Variants in CHKA observed in about 807,000 individuals in gnomAD.
The protein encoded by CHKA is CHETK-alpha.
Under a neutral mutation model 60.1 loss-of-function variants are expected in CHKA, and 34 were observed. The observed-to-expected ratio is 0.57, with a 90% confidence interval of 0.43 to 0.75. CHKA has a LOEUF of 0.75. Among genes scored for constraint, CHKA ranks in the 30% least tolerant of loss-of-function variants. CHKA has a pLI of 0.00. For missense variants in CHKA, 563 were observed against 561.3 expected (o/e 1.00, Z -0.03); for synonymous variants, 217 against 223.1 (o/e 0.97, Z 0.24).
intron 11 of CHKA, among the ~76,000 whole-genome samples, chr11:68,057,751 T>G (rs772616008): frequency 6.6e-6 from 1 of 152,250 alleles, no homozygotes; most frequent in Non-Finnish European, 1.5e-5. Context: ...TTTCTCCACA[T>G]GACTCTTCAA....
intron 1 of CHKA, among the ~76,000 whole-genome samples, chr11:68,103,786 C>T (rs898587592): frequency 1.3e-5 from 2 of 151,852 alleles, no homozygotes; most frequent in Admixed American, 6.6e-5. Context: ...TGGTGGTGTA[C>T]ATCTGTAATC....
chr11:68,105,741 ATAAAT>A lies in CHKA; in HGVS notation c.351-8616_351-8612del, dbSNP rs1230166457. On this transcript the variant is annotated intron_variant, in intron 1 of 11. Coordinates refer to ENST00000265689, the MANE Select transcript of CHKA (RefSeq NM_001277.3). The stretch of plus-strand genomic sequence containing the variant: ...CCTGTAACACAAAGATTTCCACCTG[ATAAAT>A]TAAGATAAGAAGTTACCTAACCAAC... Among the ~76,000 whole-genome samples, 9 of 152,234 alleles carry A rather than the reference ATAAAT, an allele frequency of 5.9e-5. No individual in the cohort carries two copies. The East Asian group carries it at 1.7e-3, about 29-fold the overall frequency.
intron 2 of CHKA, chr11:68,082,649 T>C (rs1270474780): frequency 6.6e-6 from 1 of 152,550 alleles, no homozygotes; most frequent in African/African-American, 2.4e-5. Context: ...GAAATAACAT[T>C]ACAGACGTTT....
At chr11:68,059,209 C>A (rs1565171201) in intron 11 of CHKA, among the ~76,000 whole-genome samples, 1 of 152,176 alleles carries the variant, frequency 6.6e-6, no homozygotes, top group Non-Finnish European at 1.5e-5. Flanking sequence ...GAGGGTTTTT[C>A]ATACATGCCT....
chr11:68,060,874 T>TAC (rs1856211123), intron 11 of CHKA, among the ~76,000 whole-genome samples: 2 of 152,138 alleles, frequency 1.3e-5, no homozygotes, highest in Non-Finnish European at 2.9e-5. Context: ...ATCCTTGCAT[T>TAC]ACCAAACCTT....
chr11:68,111,982 G>T (rs1326722387), intron 1 of CHKA, among the ~76,000 whole-genome samples: 3 of 148,568 alleles, frequency 2.0e-5, no homozygotes, highest in Admixed American at 1.4e-4. Context: ...GAACCTGGGA[G>T]GTGGAGGTTG....
chr11:68,066,311 T>A, intron 8 of CHKA, 118 bp downstream of exon 8: 1 of 806,580 alleles, frequency 1.2e-6, no homozygotes, highest in Admixed American at 2.2e-5. Context: ...TGATTCCAGG[T>A]GAAGCAGCTT....
intron 11 of CHKA, among the ~76,000 whole-genome samples, chr11:68,057,607 C>T (rs1426169689): frequency 6.6e-6 from 1 of 152,236 alleles, no homozygotes; most frequent in Non-Finnish European, 1.5e-5. Flanking sequence ...GCGTGAGCCA[C>T]CGCGACCAGT....
chr11:68,104,424 T>A (rs777721323), intron 1 of CHKA, among the ~76,000 whole-genome samples: 17 of 152,050 alleles, frequency 1.1e-4, no homozygotes, highest in Non-Finnish European at 2.1e-4. Flanking sequence ...ACAATTATTA[T>A]TATTATTATT....
chr11:68,074,900 C>G, intron 3 of CHKA, 70 bp from the exon 4 acceptor site: 3 of 1,403,536 alleles, frequency 2.1e-6, no homozygotes, highest in Non-Finnish European at 3.0e-6. Flanking sequence ...GAAGCACTCT[C>G]ACAGGAGTGT....
intron 11 of CHKA, among the ~76,000 whole-genome samples, chr11:68,055,809 C>G (rs532336570): frequency 2.1e-4 from 32 of 152,122 alleles, no homozygotes; most frequent in Non-Finnish European, 4.0e-4. Context: ...CTTTGGGAGG[C>G]CAAGGCGGGT....
chr11:68,082,156 G>A (rs190462848), intron 2 of CHKA: 1 of 151,622 alleles, frequency 6.6e-6, no homozygotes, highest in African/African-American at 2.4e-5. Flanking sequence ...ATGATAACCA[G>A]GATTCTAGCA....
Position 68,120,772 on chromosome 11 carries a change from GGCCCC to G in CHKA, c.350+51_350+55del, listed in dbSNP as rs1415311694. 2.4e-5 allele frequency: 8 copies of G among 328,324 alleles called. No individual in the cohort carries two copies. In the East Asian group the frequency reaches 1.0e-3, roughly 42 times the overall value. 20.3% of individuals were successfully genotyped at this position (328,324 alleles called of 1,614,324 possible). A position where few individuals can be genotyped will look rare whatever the true frequency, so the allele number is the denominator to read the frequency against. On this transcript the variant is annotated intron_variant, in intron 1 of 11. Coordinates refer to ENST00000265689, the MANE Select transcript of CHKA (RefSeq NM_001277.3). ...ACGCCCCCTGCCCGGACCCCGCCCCGGCCCCGCCCCGCGTCACCTGACTGTCCCGC... is the reference window on the plus strand; with the variant it reads ...ACGCCCCCTGCCCGGACCCCGCCCCGGCCCCGCGTCACCTGACTGTCCCGC...
intron 2 of CHKA, among the ~76,000 whole-genome samples, chr11:68,091,418 TTG>T: frequency 6.6e-6 from 1 of 152,350 alleles, no homozygotes; most frequent in East Asian, 1.9e-4. Flanking sequence ...TATTGTATAG[TTG>T]TGTGTGTCTT....
At chr11:68,106,387 C>T (rs528724262) in intron 1 of CHKA, among the ~76,000 whole-genome samples, 2 of 152,142 alleles carry the variant, frequency 1.3e-5, no homozygotes, top group African/African-American at 2.4e-5. Flanking sequence ...TCGATCTCTA[C>T]AATTTTTTTT....
At chr11:68,080,353 T>G (rs867269378) in intron 3 of CHKA, among the ~76,000 whole-genome samples, 14 of 151,086 alleles carry the variant, frequency 9.3e-5, no homozygotes, top group Admixed American at 4.0e-4. Context: ...ATTTTTTTCT[T>G]TTTTTTTTGC....
At chr11:68,068,990 C>A (rs2134533453) in intron 6 of CHKA, 53 bp from the exon 7 acceptor site, 1 of 1,426,574 alleles carries the variant, frequency 7.0e-7, no homozygotes, top group Non-Finnish European at 9.8e-7. Context: ...CAGCTGCACA[C>A]AGTCTTGCTT....
chr11:68,120,980 C>T lies in CHKA; in HGVS notation c.198G>A (p.Pro66=), dbSNP rs752535185. ...GCGGCGGGGGCTGGGGCAGCGGCAGCGGCAGCGGCAGCGGCGGCGGAGGGG... is the reference window on the plus strand; with the variant it reads ...GCGGCGGGGGCTGGGGCAGCGGCAGTGGCAGCGGCAGCGGCGGCGGAGGGG... ...ALPPPPPLPL[P]LPLPQPPPPQ... Residue 66 remains proline (P), a synonymous_variant, in exon 1 of 12, where the codon CCG becomes CCA. Transcript: ENST00000265689. 11 of 1,112,130 alleles carry T rather than the reference C, an allele frequency of 9.9e-6. No homozygotes were observed. The African/African-American group carries it at 1.7e-4, about 17-fold the overall frequency. 68.9% of individuals were successfully genotyped at this position (1,112,130 alleles called of 1,614,324 possible).
At chr11:68,075,526 C>G (rs141875289) in intron 3 of CHKA, among the ~76,000 whole-genome samples, 1 of 152,248 alleles carries the variant, frequency 6.6e-6, no homozygotes, top group Non-Finnish European at 1.5e-5. Flanking sequence ...ATGCTTTGAT[C>G]TCAAAGCAAA....
Sources: allele counts gnomAD v4.1 joint callset (sites outside exome capture counted in the v4.1 genomes callset), GRCh38; gene constraint gnomAD v4.1.1; transcripts MANE v1.5; gene names NCBI Gene and HGNC (gene_info 2026-07-23, HGNC 2026-07-21).